Variants in NANOS3 observed in about 807,000 individuals in gnomAD.
The protein encoded by NANOS3 is nanos C2HC-type zinc finger 3.
NANOS3 carries 11 observed loss-of-function variants against 13.8 expected under a neutral mutation model. The ratio of observed to expected loss-of-function variants is 0.80; its 90% confidence interval spans 0.50 to 1.32. The LOEUF is 1.32. NANOS3 is among the 40% of genes most tolerant of loss of function. The pLI, the probability that NANOS3 is intolerant of heterozygous loss-of-function variation, is 0.00. For synonymous variants in NANOS3, 119 were observed against 115.4 expected (o/e 1.03, Z -0.20); for missense variants, 221 against 263.8 (o/e 0.84, Z 1.12).
At chr19:13,876,292 C>A (rs1235910805), upstream of NANOS3, among the ~76,000 whole-genome samples, 2 of 146,310 alleles carry the variant, frequency 1.4e-5, no homozygotes, top group South Asian at 4.3e-4. Context: ...GCACCCGCCA[C>A]CATGCCCAGC....
chr19:13,869,766 ACACG>A (rs1276635446), intron 1 of NANOS3, among the ~76,000 whole-genome samples: 14 of 147,716 alleles, frequency 9.5e-5, no homozygotes, highest in Non-Finnish European at 1.4e-4. Flanking sequence ...ACACACACAC[ACACG>A]CACGCACACA....
chr19:13,870,805 C>G (rs1056775811), intron 1 of NANOS3, among the ~76,000 whole-genome samples: 5 of 151,678 alleles, frequency 3.3e-5, no homozygotes, highest in African/African-American at 1.2e-4. Flanking sequence ...GTCTCGAACT[C>G]CTGACCTCAA....
rs372644890 is a variant in NANOS3, at chr19:13,880,528, G to A, written c.*25G>A. 5.6e-6 allele frequency: 9 copies of A among 1,609,702 alleles called. No homozygotes were observed. Among genetic ancestry groups the A allele is most frequent in the African/African-American group, 5.3e-5 (4 of 74,938 alleles). Reference sequence around the variant, plus strand: ...GGAGGCTGCCTACACCTGGGCAAGGGCACCCGGGCTCGGCTGGATTTCCAG... The same window carrying A: ...GGAGGCTGCCTACACCTGGGCAAGGACACCCGGGCTCGGCTGGATTTCCAG... On this transcript the variant is annotated 3_prime_UTR_variant, in exon 2 of 2. Transcript: ENST00000339133.
intron 1 of NANOS3, among the ~76,000 whole-genome samples, chr19:13,866,433 C>T (rs1312696915): frequency 1.3e-5 from 2 of 152,096 alleles, no homozygotes; most frequent in African/African-American, 4.8e-5. Flanking sequence ...ATTCCCAAGG[C>T]CCTGATGGAG....
chr19:13,879,395 G>A (rs1007977744), intron 1 of NANOS3, among the ~76,000 whole-genome samples: 1 of 152,170 alleles, frequency 6.6e-6, no homozygotes, highest in Non-Finnish European at 1.5e-5. Flanking sequence ...GGGAGAGGAC[G>A]ACCCCTCCCA....
chr19:13,865,590 C>T (rs1167941533), intron 1 of NANOS3, among the ~76,000 whole-genome samples: 1 of 147,742 alleles, frequency 6.8e-6, no homozygotes, highest in East Asian at 2.0e-4. Flanking sequence ...TGCGGCCCGG[C>T]CCTCCATTGT....
chr19:13,871,906 G>A (rs1976333169), intron 1 of NANOS3, among the ~76,000 whole-genome samples: 1 of 152,110 alleles, frequency 6.6e-6, no homozygotes, highest in Admixed American at 6.6e-5. Flanking sequence ...AGCTAAGGTG[G>A]GAGGATTGGT....
At chr19:13,876,961 A>C (rs541835916), upstream of NANOS3, among the ~76,000 whole-genome samples, 418 of 152,192 alleles carry the variant, frequency 2.7e-3, 1 homozygote, top group African/African-American at 9.7e-3. Context: ...ATGCCCCCCC[A>C]CACACCCTGT....
upstream of NANOS3, among the ~76,000 whole-genome samples, chr19:13,872,244 C>T (rs1976338506): frequency 6.6e-6 from 1 of 150,858 alleles, no homozygotes; most frequent in South Asian, 2.1e-4. Context: ...ACTCAGGAGG[C>T]TGAGGCAGGA....
upstream of NANOS3, among the ~76,000 whole-genome samples, chr19:13,875,368 G>T (rs1968489536): frequency 6.6e-6 from 1 of 151,714 alleles, no homozygotes; most frequent in Non-Finnish European, 1.5e-5. Context: ...TGTATTTTTA[G>T]TAGAGACGAG....
upstream of NANOS3, among the ~76,000 whole-genome samples, chr19:13,864,689 G>A (rs78762206): frequency 1.3e-3 from 205 of 152,188 alleles, 2 homozygotes; most frequent in East Asian, 0.037. Context: ...CTGCGTGTCC[G>A]TGTGTCTTGT....
chr19:13,871,752 A>C (rs952082054), intron 1 of NANOS3, among the ~76,000 whole-genome samples: 1 of 152,246 alleles, frequency 6.6e-6, no homozygotes, highest in African/African-American at 2.4e-5. Context: ...TCATGCCTGT[A>C]ATCCCAGAAC....
At chr19:13,878,208 G>GT (rs1409386525) in intron 1 of NANOS3, among the ~76,000 whole-genome samples, 1 of 149,124 alleles carries the variant, frequency 6.7e-6, no homozygotes, top group Admixed American at 6.7e-5. Flanking sequence ...GATTACAGGC[G>GT]TGAGCACCGC....
At chr19:13,876,613 A>T (rs1318029697), upstream of NANOS3, among the ~76,000 whole-genome samples, 1 of 151,532 alleles carries the variant, frequency 6.6e-6, no homozygotes, top group Non-Finnish European at 1.5e-5. Context: ...CTTCCCCCCT[A>T]CCCCCGCAAC....
intron 1 of NANOS3, among the ~76,000 whole-genome samples, chr19:13,865,652 C>T (rs1234126873): frequency 6.7e-6 from 1 of 149,984 alleles, no homozygotes; most frequent in African/African-American, 2.4e-5. Context: ...CTCTGCGTCT[C>T]GCCTTTCCGG....
At chr19:13,868,844 T>C (rs1976281678) in intron 1 of NANOS3, among the ~76,000 whole-genome samples, 1 of 151,892 alleles carries the variant, frequency 6.6e-6, no homozygotes, top group South Asian at 2.1e-4. Flanking sequence ...CATGTCGACC[T>C]GGAATTACAC....
chr19:13,879,881 CTG>C (rs1968595556), intron 1 of NANOS3, among the ~76,000 whole-genome samples: 1 of 152,158 alleles, frequency 6.6e-6, no homozygotes, highest in South Asian at 2.1e-4. Context: ...AAAAAATTAA[CTG>C]GGCATGGTGG....
intron 1 of NANOS3, among the ~76,000 whole-genome samples, chr19:13,867,478 C>T (rs564382638): frequency 3.4e-5 from 5 of 145,700 alleles, no homozygotes; most frequent in African/African-American, 1.0e-4. Flanking sequence ...TGCCCAGGCT[C>T]GTCTCAAACT....
In NANOS3 at chr19:13,877,422, G is replaced by A. The variant is rs763345812; in HGVS notation, c.174G>A (p.Pro58=). The change falls in exon 1 of 2, where the codon CCG becomes CCA. Residue 58 remains proline (P), a synonymous_variant. Coordinates refer to ENST00000339133, the MANE Select transcript of NANOS3 (RefSeq NM_001098622.3). ...CAGCGCCGGAGTCGGTGCCAGTGCC[G>A]GGACCCAAGGATCAGAAGCGCAGCC... The part of the protein sequence containing the change: ...PMPAPESVPV[P]GPKDQKRSLE... 6.6e-5 allele frequency: 106 copies of A among 1,612,070 alleles called. No individual in the cohort carries two copies. In the South Asian group the frequency reaches 9.6e-4, roughly 15 times the overall value.
Sources: gnomAD v4.1 joint callset for allele counts (sites outside exome capture counted in the v4.1 genomes callset) on GRCh38, gnomAD v4.1.1 for gene constraint, MANE v1.5 for transcripts, NCBI Gene and HGNC (gene_info 2026-07-23, HGNC 2026-07-21) for gene names.